The following KALRN variants were observed in gnomAD, a reference collection of about 807,000 sequenced individuals.
The protein encoded by KALRN is kalirin.
Under a neutral mutation model 353.7 loss-of-function variants are expected in KALRN, and 70 were observed. The ratio of observed to expected loss-of-function variants is 0.20; its 90% CI spans 0.16 to 0.24. KALRN has a LOEUF of 0.24. Among genes scored for constraint, KALRN ranks in the 10% least tolerant of loss-of-function variants. The probability of loss-of-function intolerance (pLI) is 1.00; values close to 1 mark genes in which losing one functional copy is unlikely to be tolerated. For missense variants in KALRN, 2,791 were observed against 3,756.7 expected (o/e 0.74, Z 6.72); for synonymous variants, 1,391 against 1,434.8 (o/e 0.97, Z 0.69).
At chr3:124,664,298 C>T (rs1350452610) in intron 45 of KALRN, among the ~76,000 whole-genome samples, 1 of 151,310 alleles carries the variant, frequency 6.6e-6, no homozygotes, top group Non-Finnish European at 1.5e-5. Flanking sequence ...CTGTCTATCC[C>T]AAGTTAAACT....
At chr3:124,230,882 A>C (rs9881275) in intron 2 of KALRN, among the ~76,000 whole-genome samples, 16,932 of 149,364 alleles carry the variant, frequency 0.11, 1,697 homozygotes, top group East Asian at 0.54. Context: ...CAAAAAAAAA[A>C]CACCAAACCA....
At chr3:124,676,883 G>GT (rs2087253871) in intron 49 of KALRN, among the ~76,000 whole-genome samples, 1 of 152,220 alleles carries the variant, frequency 6.6e-6, no homozygotes, top group Non-Finnish European at 1.5e-5. Flanking sequence ...GCAGGGGACA[G>GT]TAGAGAGCCT....
chr3:124,588,337 G>A (rs191183712), intron 34 of KALRN, among the ~76,000 whole-genome samples: 148 of 152,286 alleles, frequency 9.7e-4, no homozygotes, highest in Middle Eastern at 3.4e-3. Flanking sequence ...CAAATCACCT[G>A]GAAATTGCTA....
At position 124,697,671 on chromosome 3, in the gene KALRN, C is replaced by G. The variant is rs2062117704; in HGVS notation, c.7778C>G (p.Ser2593Cys). ...GTGATTCTCCGCTGGCTGCCCCCCTCCAGCACAGGAAACTGCACTATTTCT... is the reference window on the plus strand; with the variant it reads ...GTGATTCTCCGCTGGCTGCCCCCCTGCAGCACAGGAAACTGCACTATTTCT... ...TSVILRWLPP[S>C]STGNCTISGY... Residue 2593 changes from serine (S) to cysteine (C), a missense_variant, in exon 55 of 60, where the codon TCC (serine) becomes TGC (cysteine). Transcript: ENST00000682506. 6.2e-7 allele frequency: 1 copy of G among 1,604,934 alleles called. No individual in the cohort carries two copies. Among genetic ancestry groups the G allele is most frequent in the Admixed American group, 1.7e-5 (1 of 59,086 alleles).
At chr3:124,089,087 GAA>G (rs967302012) in intron 1 of KALRN, among the ~76,000 whole-genome samples, 1 of 151,056 alleles carries the variant, frequency 6.6e-6, no homozygotes, top group Non-Finnish European at 1.5e-5. Context: ...GGACTAAGTA[GAA>G]AAAAAAATGT....
intron 16 of KALRN, among the ~76,000 whole-genome samples, chr3:124,432,553 G>A (rs2093320508): frequency 6.6e-6 from 1 of 152,118 alleles, no homozygotes; most frequent in Non-Finnish European, 1.5e-5. Context: ...GACAGCTCTT[G>A]GCCATACCTC....
intron 57 of KALRN, among the ~76,000 whole-genome samples, chr3:124,710,802 A>T (rs2062851455): frequency 6.6e-6 from 1 of 152,198 alleles, no homozygotes; most frequent in South Asian, 2.1e-4. Context: ...AAAAATGGGG[A>T]TGAATTGTTT....
intron 25 of KALRN, among the ~76,000 whole-genome samples, chr3:124,473,332 C>A (rs993298380): frequency 3.3e-5 from 5 of 152,056 alleles, no homozygotes; most frequent in Admixed American, 3.3e-4. Context: ...TCCTTTAATT[C>A]AATTTTTGAA....
rs911900431 is a variant in KALRN at position 124,033,452 on chromosome 3, C to A, written c.-289C>A. On this transcript the variant is annotated 5_prime_UTR_variant, in exon 1 of 60. Transcript: ENST00000682506. This position sits in a 1 kb window ranked among gnomAD's most constrained non-coding sequence, Gnocchi z 6.2. Reference sequence around the variant, plus strand: ...GGCGCCCAGGCAGCCCGCACCCCGGCCCCGGGCCCCGGCCCCAGCCAGACA... The same window carrying A: ...GGCGCCCAGGCAGCCCGCACCCCGGACCCGGGCCCCGGCCCCAGCCAGACA... 6.6e-6 allele frequency among the ~76,000 whole-genome samples: 1 copy of A among 151,840 alleles called. No individual in the cohort carries two copies. The highest frequency in any genetic ancestry group is 1.5e-5 in the Non-Finnish European group (1 of 67,868).
chr3:124,286,113 T>TTCTTTCTTTC (rs2075848478), intron 5 of KALRN, among the ~76,000 whole-genome samples: 1 of 148,612 alleles, frequency 6.7e-6, no homozygotes, highest in African/African-American at 2.5e-5. Flanking sequence ...CTTTCTTTCT[T>TTCTTTCTTTC]TCTTTCTTTC....
At chr3:124,519,023 T>C in intron 33 of KALRN, 1 of 986,224 alleles carries the variant, frequency 1.0e-6, no homozygotes, top group Non-Finnish European at 1.2e-6. Context: ...CTTTAGCCTT[T>C]CCCAAACACT....
chr3:124,211,301 T>A (rs2076876732), intron 1 of KALRN, among the ~76,000 whole-genome samples: 1 of 152,242 alleles, frequency 6.6e-6, no homozygotes, highest in African/African-American at 2.4e-5. Context: ...TACACTTTTT[T>A]GAGGTGGACA....
chr3:124,632,319 G>T (rs149019826), intron 34 of KALRN, 101 bp from the exon 35 acceptor site: 19 of 1,180,704 alleles, frequency 1.6e-5, no homozygotes, highest in Middle Eastern at 2.0e-4. Flanking sequence ...TGGACATTCT[G>T]CCTTGTGTCC....
intron 1 of KALRN, among the ~76,000 whole-genome samples, chr3:124,106,293 A>T (rs538590983): frequency 1.3e-5 from 2 of 152,356 alleles, no homozygotes; most frequent in East Asian, 1.9e-4. Flanking sequence ...TGATATTCTT[A>T]AAAAAGAACA....
chr3:124,427,688 T>C (rs2093085433), intron 15 of KALRN, among the ~76,000 whole-genome samples: 1 of 152,242 alleles, frequency 6.6e-6, no homozygotes, highest in South Asian at 2.1e-4. Context: ...GCTGAACTTT[T>C]GGCCTAGCTC....
At chr3:124,543,600 C>T (rs2069299587) in intron 33 of KALRN, among the ~76,000 whole-genome samples, 1 of 151,996 alleles carries the variant, frequency 6.6e-6, no homozygotes, top group Non-Finnish European at 1.5e-5. Context: ...CGCGCCCGGC[C>T]TTGTGGACAT....
intron 1 of KALRN, among the ~76,000 whole-genome samples, chr3:124,213,967 G>T (rs1024275180): frequency 6.6e-6 from 1 of 152,194 alleles, no homozygotes; most frequent in South Asian, 2.1e-4. Flanking sequence ...CTTTTTAAGT[G>T]TATGAATATT....
chr3:124,673,834 T>C (rs73195563), intron 48 of KALRN, among the ~76,000 whole-genome samples: 4,245 of 152,242 alleles, frequency 0.028, 80 homozygotes, highest in East Asian at 0.079. Flanking sequence ...TAGGTCATGG[T>C]CTTGCCTTTG....
intron 33 of KALRN, among the ~76,000 whole-genome samples, chr3:124,498,091 C>T (rs895060954): frequency 6.6e-6 from 1 of 152,166 alleles, no homozygotes; most frequent in Admixed American, 6.5e-5. Context: ...CAAGACAATT[C>T]TAGTAGTTAG....
Sources: gnomAD v4.1 joint callset for allele counts (sites outside exome capture counted in the v4.1 genomes callset) on GRCh38, gnomAD v4.1.1 for gene constraint, Gnocchi (gnomAD v3.1) non-coding constraint, MANE v1.5 for transcripts, NCBI Gene and HGNC (gene_info 2026-07-23, HGNC 2026-07-21) for gene names.